Variants in PAK5 observed in about 807,000 individuals in gnomAD.
PAK5 encodes the protein p21 (RAC1) activated kinase 5.
A neutral mutation model predicts 65.9 loss-of-function variants in PAK5; 16 were observed. That is an observed-to-expected ratio of 0.24 (90% CI 0.16 to 0.37). The LOEUF is 0.37. Among genes scored for constraint, PAK5 ranks in the 10% least tolerant of loss-of-function variants. The probability of loss-of-function intolerance (pLI) is 1.00; values close to 1 mark genes in which losing one functional copy is unlikely to be tolerated. For missense variants in PAK5, 785 were observed against 903.9 expected (o/e 0.87, Z 1.69); for synonymous variants, 371 against 354.9 (o/e 1.05, Z -0.51).
rs201989424 is a variant in PAK5, at chr20:9,571,882, G to GC, written c.991-5499_991-5498insG. On this transcript the variant is annotated intron_variant, in intron 4 of 9. Coordinates refer to ENST00000353224, the MANE Select transcript of PAK5 (RefSeq NM_177990.4). Reference sequence around the variant, plus strand: ...GAGATAGGCATGAATGATGGGGGGGGGGGATGTGGTCTTAACAGGGGCGGG... The same window carrying GC: ...GAGATAGGCATGAATGATGGGGGGGGCGGGATGTGGTCTTAACAGGGGCGGG... Among the ~76,000 whole-genome samples, 1,158 of 142,364 alleles carry GC rather than the reference G, an allele frequency of 8.1e-3. 40 individuals carry two copies. The highest frequency in any genetic ancestry group is 0.028 in the African/African-American group (1,085 of 38,280). The allele number at this position is 142,364 out of a possible 152,430, so 93.4% of individuals were successfully genotyped here. A position where few individuals can be genotyped will look rare whatever the true frequency, so the allele number is the denominator to read the frequency against.
intron 2 of PAK5, among the ~76,000 whole-genome samples, chr20:9,673,892 T>G (rs1487273411): frequency 2.6e-5 from 4 of 152,220 alleles, no homozygotes; most frequent in African/African-American, 4.8e-5. Context: ...CTGACCCCAG[T>G]GCAGTCTGCT....
chr20:9,665,828 T>C (rs1049954954), intron 2 of PAK5, among the ~76,000 whole-genome samples: 5 of 152,052 alleles, frequency 3.3e-5, no homozygotes, highest in African/African-American at 1.2e-4. Flanking sequence ...ATGCTTGCCC[T>C]GCACTTGGCC....
intron 1 of PAK5, among the ~76,000 whole-genome samples, chr20:9,809,181 C>T (rs897783531): frequency 6.6e-6 from 1 of 152,044 alleles, no homozygotes; most frequent in Non-Finnish European, 1.5e-5. Context: ...TTAGCATACA[C>T]TAGATATACT....
At chr20:9,766,949 G>C (rs2048775326) in intron 1 of PAK5, among the ~76,000 whole-genome samples, 1 of 151,802 alleles carries the variant, frequency 6.6e-6, no homozygotes. Flanking sequence ...AGAGAGAAAA[G>C]AGACAAACTT....
chr20:9,734,981 C>T (rs1316161863), intron 1 of PAK5, among the ~76,000 whole-genome samples: 1 of 152,170 alleles, frequency 6.6e-6, no homozygotes, highest in Non-Finnish European at 1.5e-5. Flanking sequence ...ATACAGAATA[C>T]ATAATGCTAT....
rs113360688 is a variant in PAK5, at chr20:9,782,924, CT to C, written c.-162+55837del. On this transcript the variant is annotated intron_variant, in intron 1 of 9. Coordinates refer to ENST00000353224, the MANE Select transcript of PAK5 (RefSeq NM_177990.4). ...TTTCTTTTCTTTTTTCTCTTTCTTT[CT>C]TTTTTTTTTTTCTTTTTTTTTAAGA... Among the ~76,000 whole-genome samples the C allele has an allele frequency of 9.8e-3, 1,411 of 143,362 alleles. 20 individuals carry two copies. The highest frequency in any genetic ancestry group is 0.032 in the African/African-American group (1,237 of 38,840). 94.1% of individuals were successfully genotyped at this position (143,362 alleles called of 152,430 possible). A position where few individuals can be genotyped will look rare whatever the true frequency, so the allele number is the denominator to read the frequency against.
intron 2 of PAK5, among the ~76,000 whole-genome samples, chr20:9,664,435 T>C (rs899040441): frequency 6.6e-6 from 1 of 152,216 alleles, no homozygotes; most frequent in African/African-American, 2.4e-5. Flanking sequence ...TTAGCTGTTT[T>C]GGGAATCAGG....
At chr20:9,792,492 G>A (rs2049060194) in intron 1 of PAK5, among the ~76,000 whole-genome samples, 1 of 152,150 alleles carries the variant, frequency 6.6e-6, no homozygotes, top group Non-Finnish European at 1.5e-5. Context: ...AGTATCAGGA[G>A]TTATTTTCAC....
chr20:9,593,285 CAG>C (rs1168060971), intron 3 of PAK5, among the ~76,000 whole-genome samples: 1 of 151,888 alleles, frequency 6.6e-6, no homozygotes, highest in Admixed American at 6.6e-5. Flanking sequence ...GCCTGAGCAA[CAG>C]AGTGAGACCC....
chr20:9,689,042 T>G (rs1238235848), intron 2 of PAK5, among the ~76,000 whole-genome samples: 1 of 152,122 alleles, frequency 6.6e-6, no homozygotes, highest in Non-Finnish European at 1.5e-5. Context: ...AATAACAACT[T>G]CGTTTATATA....
chr20:9,562,790 C>T (rs2122977085), intron 6 of PAK5, 101 bp downstream of exon 6: 1 of 1,067,152 alleles, frequency 9.4e-7, no homozygotes, highest in Non-Finnish European at 1.4e-6. Context: ...TTCCCTGACT[C>T]CAAAGTGCCT....
chr20:9,810,827 C>T (rs989313604), intron 1 of PAK5, among the ~76,000 whole-genome samples: 1 of 152,128 alleles, frequency 6.6e-6, no homozygotes, highest in African/African-American at 2.4e-5. Context: ...TTAAGTTTCA[C>T]CACGTATATA....
intron 1 of PAK5, among the ~76,000 whole-genome samples, chr20:9,773,455 T>C (rs752095727): frequency 6.6e-6 from 1 of 152,118 alleles, no homozygotes. Flanking sequence ...GTTCTCATTG[T>C]TCAATTCTTA....
intron 2 of PAK5, among the ~76,000 whole-genome samples, chr20:9,710,740 T>G (rs2048068286): frequency 2.0e-5 from 3 of 152,226 alleles, no homozygotes; most frequent in Admixed American, 2.0e-4. Flanking sequence ...AACTTCCATC[T>G]TTATTAAAAT....
At chr20:9,601,446 C>A (rs945327010) in intron 3 of PAK5, among the ~76,000 whole-genome samples, 1 of 152,154 alleles carries the variant, frequency 6.6e-6, no homozygotes, top group Non-Finnish European at 1.5e-5. Context: ...TGCATTTGAT[C>A]GTCCCAATAG....
At chr20:9,698,418 C>T (rs2047897334) in intron 2 of PAK5, among the ~76,000 whole-genome samples, 1 of 152,070 alleles carries the variant, frequency 6.6e-6, no homozygotes. Context: ...CCTTTTCTCC[C>T]CATGAATGCA....
At chr20:9,612,350 C>G (rs1462883557) in intron 3 of PAK5, among the ~76,000 whole-genome samples, 1 of 152,150 alleles carries the variant, frequency 6.6e-6, no homozygotes, top group Admixed American at 6.5e-5. Context: ...ACACCTGAGA[C>G]TGGGTAATTT....
chr20:9,838,584 G>GC lies in PAK5; in HGVS notation c.-162+177dup, dbSNP rs749531351. On this transcript the variant is annotated intron_variant, in intron 1 of 9. Transcript: ENST00000353224. This position sits in a 1 kb window ranked among gnomAD's most constrained non-coding sequence, Gnocchi z 4.5. Reference sequence around the variant, plus strand: ...GTCCCCTATCCCTACCCTCCAGGCAGCAGGTCCCTAGCCTTTGCATCTCCT... The same window carrying GC: ...GTCCCCTATCCCTACCCTCCAGGCAGCCAGGTCCCTAGCCTTTGCATCTCCT... Among the ~76,000 whole-genome samples the GC allele has an allele frequency of 3.4e-4, 52 of 152,190 alleles. No individual in the cohort carries two copies. The highest frequency in any genetic ancestry group is 6.2e-4 in the Non-Finnish European group (42 of 68,034).
At chr20:9,673,715 G>C (rs553560121) in intron 2 of PAK5, among the ~76,000 whole-genome samples, 48 of 152,202 alleles carry the variant, frequency 3.2e-4, no homozygotes, top group South Asian at 1.2e-3. Flanking sequence ...TGTTCTTTGA[G>C]CTCCTACTTG....
Sources: gnomAD v4.1 joint callset for allele counts (sites outside exome capture counted in the v4.1 genomes callset) on GRCh38, gnomAD v4.1.1 for gene constraint, Gnocchi (gnomAD v3.1) non-coding constraint, MANE v1.5 for transcripts, NCBI Gene and HGNC (gene_info 2026-07-23, HGNC 2026-07-21) for gene names.